FAM107B: variants seen among roughly 807,000 people sequenced by gnomAD.
FAM107B encodes protein FAM107B.
Under a neutral mutation model 31.5 loss-of-function variants are expected in FAM107B, and 21 were observed. The ratio of observed to expected loss-of-function variants is 0.67; its 90% CI spans 0.47 to 0.96. The LOEUF (loss-of-function observed/expected upper bound fraction) is 0.96, where lower values mean the gene tolerates loss of function less well. Ranked by LOEUF, FAM107B falls within the 40% of genes least tolerant of loss-of-function variation. FAM107B has a pLI of 0.00. For missense variants in FAM107B, 452 were observed against 377.1 expected, an observed-to-expected ratio of 1.20 and a Z score of -1.64; for synonymous variants, 157 against 141.5, an observed-to-expected ratio of 1.11 and a Z score of -0.78.
intron 1 of FAM107B, among the ~76,000 whole-genome samples, chr10:14,688,325 GA>G (rs1178181718): frequency 2.6e-5 from 4 of 152,164 alleles, no homozygotes; most frequent in Non-Finnish European, 4.4e-5. Context: ...TCAGCTTGCA[GA>G]AGGCCTATTG....
chr10:14,758,392 C>T (rs1832972138), intron 1 of FAM107B, among the ~76,000 whole-genome samples: 1 of 152,176 alleles, frequency 6.6e-6, no homozygotes, highest in Non-Finnish European at 1.5e-5. Flanking sequence ...TCCTCGGTCT[C>T]CATGAAGTAG....
chr10:14,631,953 A>G (rs1433113376), intron 2 of FAM107B, among the ~76,000 whole-genome samples: 1 of 152,136 alleles, frequency 6.6e-6, no homozygotes, highest in Non-Finnish European at 1.5e-5. Flanking sequence ...TAGCCCACGA[A>G]AAAAAGTGCA....
intron 2 of FAM107B, among the ~76,000 whole-genome samples, chr10:14,576,162 T>C (rs960321355): frequency 6.6e-6 from 1 of 152,148 alleles, no homozygotes; most frequent in Non-Finnish European, 1.5e-5. Context: ...AGATGGATGG[T>C]GGAGATGGTT....
At chr10:14,629,246 T>A (rs1362595029) in intron 2 of FAM107B, among the ~76,000 whole-genome samples, 2 of 88,682 alleles carry the variant, frequency 2.3e-5, no homozygotes, top group African/African-American at 3.8e-5. Flanking sequence ...AAATATAAAT[T>A]ACATAAATAT....
intron 1 of FAM107B, chr10:14,724,134 C>T: frequency 1.9e-6 from 1 of 524,544 alleles, no homozygotes; most frequent in Non-Finnish European, 3.4e-6. Flanking sequence ...CGCGGAAAGG[C>T]TGCATGTATC....
intron 1 of FAM107B, among the ~76,000 whole-genome samples, chr10:14,691,795 G>C (rs1246793811): frequency 6.6e-6 from 1 of 151,652 alleles, no homozygotes; most frequent in Non-Finnish European, 1.5e-5. Context: ...TCAGGAGGCT[G>C]AGGCAGGAGA....
chr10:14,705,510 C>T (rs1477358676), intron 1 of FAM107B, among the ~76,000 whole-genome samples: 1 of 152,034 alleles, frequency 6.6e-6, no homozygotes, highest in Admixed American at 6.6e-5. Context: ...TCTAGCCATA[C>T]AATGGAATGT....
At chr10:14,676,498 T>C (rs1373388476) in intron 1 of FAM107B, among the ~76,000 whole-genome samples, 1 of 152,234 alleles carries the variant, frequency 6.6e-6, no homozygotes, top group Admixed American at 6.5e-5. Flanking sequence ...TTCACTTGTT[T>C]ACCCACTTTG....
At chr10:14,738,202 GA>G (rs1158885516) in intron 1 of FAM107B, among the ~76,000 whole-genome samples, 1 of 152,180 alleles carries the variant, frequency 6.6e-6, no homozygotes, top group African/African-American at 2.4e-5. Flanking sequence ...GACTGGATTG[GA>G]ATCCAAATCC....
chr10:14,767,083 G>GAGAGAGAC (rs1833193519), intron 1 of FAM107B, among the ~76,000 whole-genome samples: 1 of 106,448 alleles, frequency 9.4e-6, no homozygotes, highest in Non-Finnish European at 1.8e-5. Flanking sequence ...GAGAGAGAGA[G>GAGAGAGAC]AGAGAGAGAG....
chr10:14,531,655 A>T (rs539484745), intron 2 of FAM107B, among the ~76,000 whole-genome samples: 1 of 152,204 alleles, frequency 6.6e-6, no homozygotes, highest in South Asian at 2.1e-4. Context: ...CAGCCTGGCC[A>T]ATATGATGAA....
At chr10:14,727,477 A>G (rs1856064110) in intron 1 of FAM107B, among the ~76,000 whole-genome samples, 1 of 152,232 alleles carries the variant, frequency 6.6e-6, no homozygotes, top group African/African-American at 2.4e-5. Context: ...TTCTAGAGCC[A>G]AGGAAGAGGA....
intron 1 of FAM107B, among the ~76,000 whole-genome samples, chr10:14,744,088 G>A (rs1022645230): frequency 2.0e-5 from 3 of 152,048 alleles, no homozygotes; most frequent in African/African-American, 7.2e-5. Context: ...GTAGTCCTAG[G>A]TATTTTATTC....
intron 1 of FAM107B, among the ~76,000 whole-genome samples, chr10:14,719,954 C>CTTTGGGTTG (rs1855872451): frequency 7.1e-6 from 1 of 141,332 alleles, no homozygotes; most frequent in Admixed American, 7.2e-5. Context: ...GGGCTCTTTT[C>CTTTGGGTTG]CTCACTGGGC....
intron 2 of FAM107B, chr10:14,556,358 T>G: frequency 1.0e-6 from 1 of 985,474 alleles, no homozygotes; most frequent in Non-Finnish European, 1.2e-6. Context: ...CTAGAAATGC[T>G]GACCTCAGAG....
In FAM107B at chr10:14,520,003, A is replaced by C. The variant is rs1845480853; in HGVS notation, c.*1187T>G. ...ACTCAGCAGCCCCTCCCTTCCCATC[A>C]GCTGTTCCTGAGAGATGCAATATAG... On this transcript the variant is annotated 3_prime_UTR_variant, in exon 5 of 5. Coordinates refer to ENST00000181796, the MANE Select transcript of FAM107B (RefSeq NM_031453.4). The C allele has an allele frequency of 1.3e-5, 2 of 152,618 alleles. No individual in the cohort carries two copies. The highest frequency in any genetic ancestry group is 4.1e-4 in the South Asian group (2 of 4,828). 9.5% of individuals were successfully genotyped at this position (152,618 alleles called of 1,614,324 possible). A position where few individuals can be genotyped will look rare whatever the true frequency, so the allele number is the denominator to read the frequency against.
chr10:14,691,808 T>G (rs1021523175), intron 1 of FAM107B, among the ~76,000 whole-genome samples: 1 of 150,874 alleles, frequency 6.6e-6, no homozygotes, highest in African/African-American at 2.4e-5. Flanking sequence ...GCAGGAGAAT[T>G]GCTTGAACCT....
intron 2 of FAM107B, chr10:14,554,149 G>C (rs1296217616): frequency 1.0e-6 from 1 of 985,298 alleles, no homozygotes; most frequent in Admixed American, 6.1e-5. Context: ...TGTTCAGAGA[G>C]TTAGAAATGG....
At chr10:14,770,802 A>T (rs1401396295) in intron 1 of FAM107B, among the ~76,000 whole-genome samples, 5 of 152,066 alleles carry the variant, frequency 3.3e-5, no homozygotes, top group Non-Finnish European at 7.4e-5. Context: ...ACTAAACCAA[A>T]CAAAAATGTT....
Sources: gnomAD v4.1 joint callset for allele counts (sites outside exome capture counted in the v4.1 genomes callset) on GRCh38, gnomAD v4.1.1 for gene constraint, MANE v1.5 for transcripts, NCBI Gene and HGNC (gene_info 2026-07-23, HGNC 2026-07-21) for gene names.